Variants in LDB2 observed in about 807,000 individuals in gnomAD.
LDB2 encodes LIM domain binding 2.
LDB2 carries 12 observed loss-of-function variants against 44.3 expected under a neutral mutation model. That is an observed-to-expected ratio of 0.27 (90% CI 0.17 to 0.44). LDB2 has a LOEUF of 0.44. Ranked by LOEUF, LDB2 falls within the 20% of genes least tolerant of loss-of-function variation. The probability of loss-of-function intolerance (pLI) is 1.00; values close to 1 mark genes in which losing one functional copy is unlikely to be tolerated. For missense variants in LDB2, 344 were observed against 473.5 expected (o/e 0.73, Z 2.54); for synonymous variants, 164 against 174.8 (o/e 0.94, Z 0.49).
intron 2 of LDB2, among the ~76,000 whole-genome samples, chr4:16,645,318 T>C (rs558955205): frequency 1.3e-5 from 2 of 151,122 alleles, no homozygotes; most frequent in East Asian, 2.0e-4. Flanking sequence ...GGGTGGATCA[T>C]GAGGTCAGGA....
chr4:16,847,380 T>A (rs1407432886), intron 1 of LDB2, among the ~76,000 whole-genome samples: 2 of 152,226 alleles, frequency 1.3e-5, no homozygotes, highest in Non-Finnish European at 2.9e-5. Flanking sequence ...GTTAACATTC[T>A]AGAGGAAGAT....
chr4:16,674,334 T>G (rs924777909), intron 2 of LDB2: 32 of 1,179,758 alleles, frequency 2.7e-5, no homozygotes, highest in Non-Finnish European at 3.5e-5. Flanking sequence ...AGAAAGACAG[T>G]GCTCTTTGTC....
intron 2 of LDB2, among the ~76,000 whole-genome samples, chr4:16,676,082 C>A (rs773181081): frequency 2.0e-5 from 3 of 152,184 alleles, no homozygotes; most frequent in African/African-American, 4.8e-5. Flanking sequence ...TGTTTTGTAA[C>A]TGGCTAATGT....
At chr4:16,718,687 T>C (rs747295609) in intron 2 of LDB2, among the ~76,000 whole-genome samples, 5 of 152,120 alleles carry the variant, frequency 3.3e-5, no homozygotes, top group Non-Finnish European at 5.9e-5. Context: ...TAGAGATTCA[T>C]GACAAACCCT....
At chr4:16,542,166 T>C (rs1287542106) in intron 5 of LDB2, among the ~76,000 whole-genome samples, 1 of 149,264 alleles carries the variant, frequency 6.7e-6, no homozygotes, top group Non-Finnish European at 1.5e-5. Flanking sequence ...CCTCATTTAC[T>C]CATCCACTAA....
chr4:16,612,765 C>T (rs558225998), intron 2 of LDB2, among the ~76,000 whole-genome samples: 9 of 152,270 alleles, frequency 5.9e-5, no homozygotes, highest in African/African-American at 2.2e-4. Flanking sequence ...CTGAATTGTA[C>T]CGGAAATACA....
At chr4:16,668,457 C>G (rs926640397) in intron 2 of LDB2, among the ~76,000 whole-genome samples, 2 of 152,196 alleles carry the variant, frequency 1.3e-5, no homozygotes, top group African/African-American at 4.8e-5. Context: ...TAAGCCTCTT[C>G]CCTTCTTTTA....
At chr4:16,676,415 T>A (rs995594059) in intron 2 of LDB2, among the ~76,000 whole-genome samples, 3 of 152,234 alleles carry the variant, frequency 2.0e-5, no homozygotes, top group Admixed American at 6.5e-5. Flanking sequence ...CTCTGAGGTA[T>A]CTTAAGGGGA....
intron 2 of LDB2, among the ~76,000 whole-genome samples, chr4:16,628,198 A>C (rs1284333384): frequency 6.6e-6 from 1 of 152,232 alleles, no homozygotes; most frequent in Non-Finnish European, 1.5e-5. Flanking sequence ...CTCTGTGTGA[A>C]TCAGAAATAT....
At chr4:16,789,874 C>G (rs187597277) in intron 1 of LDB2, among the ~76,000 whole-genome samples, 9 of 152,212 alleles carry the variant, frequency 5.9e-5, no homozygotes, top group Admixed American at 6.5e-5. Flanking sequence ...GGAGGTTGCA[C>G]GTAGCAGAGA....
chr4:16,630,201 A>T (rs1290673628), intron 2 of LDB2, among the ~76,000 whole-genome samples: 1 of 152,216 alleles, frequency 6.6e-6, no homozygotes, highest in Non-Finnish European at 1.5e-5. Flanking sequence ...AGGTCGAGTT[A>T]CCCATAAAGA....
chr4:16,713,591 T>C (rs1482484469), intron 2 of LDB2, among the ~76,000 whole-genome samples: 1 of 152,190 alleles, frequency 6.6e-6, no homozygotes, highest in Non-Finnish European at 1.5e-5. Context: ...GTAGTCTTCA[T>C]TTTAAAAGCT....
At chr4:16,835,179 A>T (rs552885304) in intron 1 of LDB2, among the ~76,000 whole-genome samples, 1 of 152,324 alleles carries the variant, frequency 6.6e-6, no homozygotes, top group South Asian at 2.1e-4. Flanking sequence ...CATAAATCTC[A>T]AGTTTACAAT....
At chr4:16,782,748 C>A (rs1349999245) in intron 1 of LDB2, among the ~76,000 whole-genome samples, 1 of 152,102 alleles carries the variant, frequency 6.6e-6, no homozygotes, top group Non-Finnish European at 1.5e-5. Context: ...TATTAAGTGC[C>A]TACTCTATGC....
At chr4:16,592,473 T>C (rs1205170421) in intron 3 of LDB2, among the ~76,000 whole-genome samples, 8,795 of 103,430 alleles carry the variant, frequency 0.085, 320 homozygotes, top group Non-Finnish European at 0.11. Flanking sequence ...TACATATATA[T>C]ATATATATAT....
chr4:16,595,856 G>C lies in LDB2; in HGVS notation c.255C>G (p.Ile85Met), dbSNP rs149815960. The C allele has an allele frequency of 6.2e-7, 1 of 1,613,106 alleles. No individual in the cohort carries two copies. The highest frequency in any genetic ancestry group is 1.1e-5 in the South Asian group (1 of 90,954). Residue 85 changes from isoleucine (I) to methionine (M), a missense_variant, in exon 3 of 8, where the codon ATC becomes ATG. Physicochemically the swap from Ile to Met is conservative, Grantham distance 10 (BLOSUM62 1). Transcript: ENST00000304523. ...CAAACACAGTGCTAAAGTAACGGGG[G>C]ATGAGGGTCCTGCCGATAGCTGGGA... ...PKRYTIGRTLIPRYFSTVFEG... is the reference protein window; with the variant it reads ...PKRYTIGRTLMPRYFSTVFEG...
chr4:16,545,087 AG>A (rs1314593578), intron 5 of LDB2, among the ~76,000 whole-genome samples: 8 of 152,042 alleles, frequency 5.3e-5, no homozygotes, highest in Admixed American at 4.6e-4. Context: ...AGCAAAGAAA[AG>A]GAAGTTTGGA....
intron 5 of LDB2, among the ~76,000 whole-genome samples, chr4:16,584,562 C>T (rs1240556634): frequency 6.6e-6 from 1 of 152,196 alleles, no homozygotes; most frequent in Non-Finnish European, 1.5e-5. Flanking sequence ...CTACTTCAGT[C>T]ACAAGATACA....
intron 2 of LDB2, among the ~76,000 whole-genome samples, chr4:16,611,991 G>T (rs935258881): frequency 2.0e-5 from 3 of 152,076 alleles, no homozygotes; most frequent in Non-Finnish European, 4.4e-5. Context: ...AAATGCAAAA[G>T]AACGGAAATA....
Sources: gnomAD v4.1 joint callset for allele counts (sites outside exome capture counted in the v4.1 genomes callset) on GRCh38, gnomAD v4.1.1 for gene constraint, MANE v1.5 for transcripts, NCBI Gene and HGNC (gene_info 2026-07-23, HGNC 2026-07-21) for gene names.